EFCC1: variants seen among roughly 807,000 people sequenced by gnomAD.
EFCC1 encodes EF-hand and coiled-coil domain containing 1, also known as EF-hand and coiled-coil domain-containing protein 1.
EFCC1 carries 50 observed loss-of-function variants against 52.1 expected under a neutral mutation model. That is an observed-to-expected ratio of 0.96 (90% CI 0.76 to 1.21). The LOEUF (loss-of-function observed/expected upper bound fraction) is 1.21. Among genes scored for constraint, EFCC1 ranks in the 50% most tolerant of loss-of-function variants. The pLI is 0.00. For missense variants in EFCC1, 837 were observed against 867.3 expected (o/e 0.97, Z 0.44); for synonymous variants, 399 against 396.5 (o/e 1.01, Z -0.08).
chr3:129,004,866 C>T (rs1260935614), intron 2 of EFCC1, among the ~76,000 whole-genome samples: 3 of 152,102 alleles, frequency 2.0e-5, no homozygotes, highest in Non-Finnish European at 2.9e-5. Flanking sequence ...AGGTTCAAAT[C>T]TTGGCAGGGC....
intron 4 of EFCC1, 56 bp from the exon 5 acceptor site, chr3:129,034,108 C>T: frequency 6.2e-7 from 1 of 1,606,686 alleles, no homozygotes; most frequent in Non-Finnish European, 8.5e-7. Context: ...CAAGGCTGGA[C>T]AGAGCGGGCT....
At chr3:129,034,370 A>G (rs1472622333) in intron 5 of EFCC1, 41 bp downstream of exon 5, 1 of 1,601,952 alleles carries the variant, frequency 6.2e-7, no homozygotes, top group Non-Finnish European at 8.5e-7. Context: ...GCAATTCTAG[A>G]GGATCTCACA....
chr3:129,017,238 C>T (rs2107900458), intron 2 of EFCC1, among the ~76,000 whole-genome samples: 1 of 152,326 alleles, frequency 6.6e-6, no homozygotes, highest in East Asian at 1.9e-4. Flanking sequence ...TTGGCTCAGG[C>T]CAGTCAAGTC....
rs1945008751 is a variant in EFCC1, at chr3:129,005,048, T to C, written c.980+971T>C. Among the ~76,000 whole-genome samples the C allele has an allele frequency of 2.0e-5, 3 of 152,152 alleles. 1 individual carries two copies. The South Asian group carries it at 6.2e-4, about 31-fold the overall frequency. The stretch of plus-strand genomic sequence containing the variant: ...AGACAGAGCCTCTCTCCCTTTCAAA[T>C]CACAAGTCACCCCTGCCTGCTGGCC... On this transcript the variant is annotated intron_variant, in intron 2 of 7. Coordinates refer to ENST00000683648, the MANE Select transcript of EFCC1 (RefSeq NM_001377500.1).
intron 2 of EFCC1, among the ~76,000 whole-genome samples, chr3:129,017,468 G>C (rs1313221921): frequency 1.3e-5 from 2 of 152,214 alleles, no homozygotes; most frequent in East Asian, 1.9e-4. Context: ...CGAAAGCAAG[G>C]CACCCTTGGC....
At chr3:129,028,573 T>C (rs531653011) in intron 2 of EFCC1, among the ~76,000 whole-genome samples, 1 of 152,296 alleles carries the variant, frequency 6.6e-6, no homozygotes, top group South Asian at 2.1e-4. Flanking sequence ...GTTTTCTTTT[T>C]GCAGCTTTAC....
chr3:129,028,148 G>A (rs1440723401), intron 2 of EFCC1, among the ~76,000 whole-genome samples: 1 of 150,010 alleles, frequency 6.7e-6, no homozygotes, highest in Non-Finnish European at 1.5e-5. Context: ...ACAGTGGTGC[G>A]ATCTAGGTTA....
chr3:129,031,048 A>C lies in EFCC1; in HGVS notation c.1138+188A>C, dbSNP rs984923515. ...CCCATCATCCTAAGAACCTGGGCCT[A>C]GAGAATCTGGGGTGTGTAGAGCCAT... On this transcript the variant is annotated intron_variant, in intron 3 of 7. Transcript: ENST00000683648. 6.6e-5 allele frequency among the ~76,000 whole-genome samples: 10 copies of C among 152,260 alleles called. No homozygotes were observed. In the East Asian group the frequency reaches 1.7e-3, roughly 26 times the overall value.
At position 129,034,962 on chromosome 3, in the gene EFCC1, G is replaced by C. The variant is rs373278635; in HGVS notation, c.1452+633G>C. On this transcript the variant is annotated intron_variant, in intron 5 of 7. Coordinates refer to ENST00000683648, the MANE Select transcript of EFCC1 (RefSeq NM_001377500.1). ...AAGTGTGGTAGGAAGAAGAGGGAAA[G>C]GGGGGCCGAGCATCCAGCTGTCTCC... 3.8e-4 allele frequency among the ~76,000 whole-genome samples: 58 copies of C among 152,112 alleles called. 1 individual carries two copies. Among genetic ancestry groups the C allele is most frequent in the East Asian group, 1.3e-3 (7 of 5,190 alleles).
At chr3:129,034,407 C>A in intron 5 of EFCC1, 78 bp downstream of exon 5, 1 of 1,500,420 alleles carries the variant, frequency 6.7e-7, no homozygotes, top group Non-Finnish European at 9.0e-7. Context: ...GGATTGCAGC[C>A]AAGTCTTGTG....
At position 129,039,950 on chromosome 3, in the gene EFCC1, A is replaced by G; in HGVS notation, c.*102A>G. 1 of 1,421,744 alleles carries G rather than the reference A, an allele frequency of 7.0e-7. No individual in the cohort carries two copies. The highest frequency in any genetic ancestry group is 9.3e-7 in the Non-Finnish European group (1 of 1,073,072). The allele number at this position is 1,421,744 out of a possible 1,614,324, so 88.1% of individuals were successfully genotyped here. On this transcript the variant is annotated 3_prime_UTR_variant, in exon 8 of 8. Coordinates refer to ENST00000683648, the MANE Select transcript of EFCC1 (RefSeq NM_001377500.1). Reference sequence around the variant, plus strand: ...TGACAGCTGGTCTGACCACCGTCACATCATCAGAACTTGAGTCTCTGCTGG... The same window carrying G: ...TGACAGCTGGTCTGACCACCGTCACGTCATCAGAACTTGAGTCTCTGCTGG...
Position 129,002,062 on chromosome 3 carries a change from T to C in EFCC1, c.434T>C (p.Phe145Ser). The C allele has an allele frequency of 1.3e-6, 2 of 1,538,746 alleles. No homozygotes were observed. Among genetic ancestry groups the C allele is most frequent in the Non-Finnish European group, 1.8e-6 (2 of 1,142,486 alleles). The change falls in exon 1 of 8, where the codon TTC becomes TCC. Residue 145 changes from phenylalanine (F) to serine (S), a missense_variant. Coordinates refer to ENST00000683648, the MANE Select transcript of EFCC1 (RefSeq NM_001377500.1). Reference sequence around the variant, plus strand: ...CCGCCGGAGCTCACCTTCCGCCAGTTCCACGCGCGCCTCTGTGGCTACTTC... The same window carrying C: ...CCGCCGGAGCTCACCTTCCGCCAGTCCCACGCGCGCCTCTGTGGCTACTTC... ...AEPPELTFRQ[F>S]HARLCGYFGT...
intron 7 of EFCC1, 39 bp downstream of exon 7, chr3:129,038,939 G>A: frequency 8.3e-6 from 13 of 1,573,912 alleles, no homozygotes; most frequent in Non-Finnish European, 1.1e-5. Flanking sequence ...CCACGCAGTG[G>A]CTGGAGGGTG....
chr3:129,016,432 G>C (rs1945585356), intron 2 of EFCC1, among the ~76,000 whole-genome samples: 1 of 152,014 alleles, frequency 6.6e-6, no homozygotes, highest in African/African-American at 2.4e-5. Flanking sequence ...GTGATTGTGG[G>C]GGCTGGCTAA....
At position 129,003,909 on chromosome 3, in the gene EFCC1, C is replaced by G. The variant is rs1189833547; in HGVS notation, c.812C>G (p.Ala271Gly). The G allele has an allele frequency of 2.2e-6, 3 of 1,351,946 alleles. No homozygotes were observed. The highest frequency in any genetic ancestry group is 2.8e-6 in the Non-Finnish European group (3 of 1,056,638). 83.7% of individuals were successfully genotyped at this position (1,351,946 alleles called of 1,614,324 possible). Residue 271 changes from alanine to glycine, a missense_variant, in exon 2 of 8, where the codon GCT (alanine) becomes GGT (glycine). Physicochemically the swap from Ala to Gly is moderately conservative, Grantham distance 60 (BLOSUM62 0). Coordinates refer to ENST00000683648, the MANE Select transcript of EFCC1 (RefSeq NM_001377500.1). Reference sequence around the variant, plus strand: ...GCCCTGGCTGCGGCGGAGGCCCGCGCTGGGCGGCTGCGCCGTGGCCAGGCC... The same window carrying G: ...GCCCTGGCTGCGGCGGAGGCCCGCGGTGGGCGGCTGCGCCGTGGCCAGGCC... ...QGALAAAEARAGRLRRGQAEV... is the reference protein window; with the variant it reads ...QGALAAAEARGGRLRRGQAEV...
At chr3:129,034,070 G>GT in intron 4 of EFCC1, 94 bp from the exon 5 acceptor site, 1 of 1,538,606 alleles carries the variant, frequency 6.5e-7, no homozygotes, top group South Asian at 1.2e-5. Context: ...TGCTTTAGGA[G>GT]GCCAACTCCA....
chr3:129,038,927 G>A, intron 7 of EFCC1, 27 bp downstream of exon 7: 1 of 1,606,578 alleles, frequency 6.2e-7, no homozygotes, highest in Non-Finnish European at 8.5e-7. Context: ...GTCTCTCAGA[G>A]CCCACGCAGT....
At chr3:129,023,591 CA>C (rs1451018939) in intron 2 of EFCC1, among the ~76,000 whole-genome samples, 6 of 152,192 alleles carry the variant, frequency 3.9e-5, no homozygotes, top group African/African-American at 1.4e-4. Flanking sequence ...CTCGGCCTCC[CA>C]AAGTGCTGGG....
At position 129,004,002 on chromosome 3, in the gene EFCC1, TG is replaced by T. The variant is rs1944938263; in HGVS notation, c.907del (p.Glu303ArgfsTer36). On this transcript the variant is annotated frameshift_variant, in exon 2 of 8. Transcript: ENST00000683648. LOFTEE classifies it high-confidence loss of function. ...VLRSLHRVRE[L>X]EALAQQVPGL... ...CGCAGCCTGCACCGCGTGCGAGAGC[TG>T]GAGGCGCTGGCGCAACAGGTGCCCG... 4 of 1,505,228 alleles carry T rather than the reference TG, an allele frequency of 2.7e-6. No individual in the cohort carries two copies. The highest frequency in any genetic ancestry group is 3.5e-6 in the Non-Finnish European group (4 of 1,134,346). The allele number at this position is 1,505,228 out of a possible 1,614,324, so 93.2% of individuals were successfully genotyped here.
Sources: gnomAD v4.1 joint callset for allele counts (sites outside exome capture counted in the v4.1 genomes callset) on GRCh38, gnomAD v4.1.1 for gene constraint, MANE v1.5 for transcripts, NCBI Gene and HGNC (gene_info 2026-07-23, HGNC 2026-07-21) for gene names.